The following STAT1 variants were observed in gnomAD, a reference collection of about 807,000 sequenced individuals.
The protein encoded by STAT1 is signal transducer and activator of transcription 1-alpha/beta.
Under a neutral mutation model 111.7 loss-of-function variants are expected in STAT1, and 24 were observed. That is an observed-to-expected ratio of 0.21 (90% CI 0.16 to 0.30). The LOEUF is 0.30. STAT1 is among the 10% of genes least tolerant of loss of function. The pLI is 1.00. For missense variants in STAT1, 351 were observed against 911.9 expected, an observed-to-expected ratio of 0.38 and a Z score of 7.92; for synonymous variants, 332 against 326.5, an observed-to-expected ratio of 1.02 and a Z score of -0.18.
intron 4 of STAT1, among the ~76,000 whole-genome samples, chr2:191,008,558 T>A (rs1312118986): frequency 1.3e-5 from 2 of 152,214 alleles, no homozygotes; most frequent in East Asian, 1.9e-4. Context: ...CCTGTTTTAT[T>A]CCTCATTTGC....
rs772579484 is a variant in STAT1, at chr2:190,976,009, T to C, written c.2060-122A>G. The C allele has an allele frequency of 4.7e-6, 4 of 854,408 alleles. No individual in the cohort carries two copies. The highest frequency in any genetic ancestry group is 7.7e-6 in the Non-Finnish European group (4 of 518,248). 52.9% of individuals were successfully genotyped at this position (854,408 alleles called of 1,614,324 possible). A position where few individuals can be genotyped will look rare whatever the true frequency, so the allele number is the denominator to read the frequency against. On this transcript the variant is annotated intron_variant, in intron 22 of 24. Coordinates refer to ENST00000361099, the MANE Select transcript of STAT1 (RefSeq NM_007315.4). The surrounding 1 kb of genome is among the most constrained non-coding windows in gnomAD (Gnocchi z 6.0). ...TAGACAGCTTAGCCTCCTAAAACTT[T>C]AAGGAGCTATAACCTCCCTGCCTGA...
chr2:191,011,683 G>T (rs1038142793), intron 2 of STAT1, among the ~76,000 whole-genome samples: 4 of 152,142 alleles, frequency 2.6e-5, no homozygotes, highest in African/African-American at 4.8e-5. Context: ...CCCCCATGCT[G>T]TTCTCGTGAT....
chr2:190,992,700 T>TCA (rs1393157547), intron 10 of STAT1: 2 of 1,271,462 alleles, frequency 1.6e-6, no homozygotes, highest in Non-Finnish European at 2.1e-6. Flanking sequence ...ACTGGACTTC[T>TCA]CAGCACCACC....
At chr2:191,008,303 A>C (rs1694860106) in intron 4 of STAT1, among the ~76,000 whole-genome samples, 1 of 152,252 alleles carries the variant, frequency 6.6e-6, no homozygotes, top group Non-Finnish European at 1.5e-5. Flanking sequence ...AAAGAAGAAA[A>C]TGATAGCTTT....
In STAT1 at chr2:190,980,264, G is replaced by A. The variant is rs531879101; in HGVS notation, c.1632+356C>T. On this transcript the variant is annotated intron_variant, in intron 19 of 24. Transcript: ENST00000361099. This position sits in a 1 kb window ranked among gnomAD's most constrained non-coding sequence, Gnocchi z 6.1. ...TTCCCCGCAGTGGGCCCCTCTGCTC[G>A]AGCAGGCCGTTAAACTCGTCTGGCT... Among the ~76,000 whole-genome samples the A allele has an allele frequency of 6.6e-5, 10 of 152,356 alleles. No homozygotes were observed. The highest frequency in any genetic ancestry group is 2.9e-5 in the Non-Finnish European group (2 of 68,018).
Position 190,997,835 on chromosome 2 carries a change from T to C in STAT1, c.785+21A>G. ...GTGGTTAGCCAGTCAGCTGCCAGTT[T>C]TCTGCTTTGGAGAATCTTACCAGTT... On this transcript the variant is annotated intron_variant, in intron 9 of 24. Transcript: ENST00000361099. The surrounding 1 kb of genome is among the most constrained non-coding windows in gnomAD (Gnocchi z 7.3). 6.2e-7 allele frequency: 1 copy of C among 1,614,098 alleles called. No homozygotes were observed.
Position 190,986,954 on chromosome 2 carries a change from A to C in STAT1, c.1128-7T>G, listed in dbSNP as rs745543087. On this transcript the variant is annotated splice_polypyrimidine_tract_variant and splice_region_variant and intron_variant, in intron 13 of 24. Transcript: ENST00000361099. This position sits in a 1 kb window ranked among gnomAD's most constrained non-coding sequence, Gnocchi z 5.0. ...AATGTTGAACTTCCTAAATCTATAC[A>C]ATATAGGAAAGAAATGCTGAAAAGT... 6.2e-7 allele frequency: 1 copy of C among 1,613,198 alleles called. No individual in the cohort carries two copies. The highest frequency in any genetic ancestry group is 8.5e-7 in the Non-Finnish European group (1 of 1,179,116).
rs115295256 is a variant in STAT1, at chr2:190,984,290, C to T, written c.1347+20G>A. The T allele has an allele frequency of 4.4e-6, 7 of 1,593,642 alleles. No individual in the cohort carries two copies. The highest frequency in any genetic ancestry group is 2.7e-5 in the African/African-American group (2 of 74,516). ...GTAAAAATAATGAAGTTTTCCAACT[C>T]GGGACCATAAAAGTCTTACCTCGAG... On this transcript the variant is annotated intron_variant, in intron 16 of 24. Coordinates refer to ENST00000361099, the MANE Select transcript of STAT1 (RefSeq NM_007315.4). This position sits in a 1 kb window ranked among gnomAD's most constrained non-coding sequence, Gnocchi z 5.2.
Position 190,993,177 on chromosome 2 carries a change from C to T in STAT1, c.945-1857G>A, listed in dbSNP as rs878930197. 7.9e-6 allele frequency: 4 copies of T among 506,598 alleles called. No homozygotes were observed. In the East Asian group the frequency reaches 1.6e-4, roughly 20 times the overall value. The allele number at this position is 506,598 out of a possible 1,614,324, so 31.4% of individuals were successfully genotyped here. On this transcript the variant is annotated intron_variant, in intron 10 of 24. Transcript: ENST00000361099. This position sits in a 1 kb window ranked among gnomAD's most constrained non-coding sequence, Gnocchi z 4.1. ...GCTGTTGTGTAGTCTACTACTTTCT[C>T]TGTGGTCAGATCACACTTGTTCCCT...
In STAT1 at chr2:191,003,951, T is replaced by C. The variant is rs959741577; in HGVS notation, c.373-2788A>G. Among the ~76,000 whole-genome samples the C allele has an allele frequency of 1.3e-5, 2 of 152,166 alleles. No individual in the cohort carries two copies. Among genetic ancestry groups the C allele is most frequent in the Non-Finnish European group, 2.9e-5 (2 of 68,026 alleles). On this transcript the variant is annotated intron_variant, in intron 5 of 24. Coordinates refer to ENST00000361099, the MANE Select transcript of STAT1 (RefSeq NM_007315.4). The surrounding 1 kb of genome is among the most constrained non-coding windows in gnomAD (Gnocchi z 4.0). Reference sequence around the variant, plus strand: ...GTTTAGAGAACAGGGATATAAACAATGGCTGTAAAACAGCAGCTACATCCC... The same window carrying C: ...GTTTAGAGAACAGGGATATAAACAACGGCTGTAAAACAGCAGCTACATCCC...
At chr2:191,011,403 C>T (rs950125148) in intron 2 of STAT1, among the ~76,000 whole-genome samples, 26 of 152,130 alleles carry the variant, frequency 1.7e-4, no homozygotes, top group African/African-American at 6.3e-4. Flanking sequence ...AACTTACTCC[C>T]CTATCAACAA....
Position 190,975,053 on chromosome 2 carries a change from T to C in STAT1, c.2136-121A>G. On this transcript the variant is annotated intron_variant, in intron 23 of 24. Coordinates refer to ENST00000361099, the MANE Select transcript of STAT1 (RefSeq NM_007315.4). The surrounding 1 kb of genome is among the most constrained non-coding windows in gnomAD (Gnocchi z 5.9). ...TATCACGTTATATTTTTATTTTGGG[T>C]AAGTGCATACACTTGTAAAATACAT... 1.4e-5 allele frequency: 12 copies of C among 849,868 alleles called. No individual in the cohort carries two copies. Among genetic ancestry groups the C allele is most frequent in the Non-Finnish European group, 2.4e-5 (12 of 509,332 alleles). 52.6% of individuals were successfully genotyped at this position (849,868 alleles called of 1,614,324 possible). A position where few individuals can be genotyped will look rare whatever the true frequency, so the allele number is the denominator to read the frequency against.
intron 24 of STAT1, among the ~76,000 whole-genome samples, chr2:190,972,080 G>A (rs1691525376): frequency 6.6e-6 from 1 of 152,104 alleles, no homozygotes; most frequent in African/African-American, 2.4e-5. Context: ...GGGAGGGGGA[G>A]ATAGATAGAT....
chr2:191,012,929 C>T lies in STAT1; in HGVS notation c.-2+596G>A, dbSNP rs1386341400. 2.0e-5 allele frequency among the ~76,000 whole-genome samples: 3 copies of T among 152,174 alleles called. No homozygotes were observed. The highest frequency in any genetic ancestry group is 4.8e-5 in the African/African-American group (2 of 41,436). On this transcript the variant is annotated intron_variant, in intron 2 of 24. Coordinates refer to ENST00000361099, the MANE Select transcript of STAT1 (RefSeq NM_007315.4). This position sits in a 1 kb window ranked among gnomAD's most constrained non-coding sequence, Gnocchi z 4.0. ...TCACAATTAAGCTTTCTTTGACTTG[C>T]GTCTCACTGAATTCTGTACCTCTAT...
intron 14 of STAT1, 117 bp from the exon 15 acceptor site, chr2:190,985,777 T>C (rs1692756035): frequency 4.5e-6 from 5 of 1,122,560 alleles, no homozygotes; most frequent in African/African-American, 3.1e-5. Flanking sequence ...ACTTTATCTT[T>C]AGAATGCAGA....
intron 24 of STAT1, among the ~76,000 whole-genome samples, chr2:190,972,287 C>T (rs1267906870): frequency 1.3e-5 from 2 of 152,204 alleles, no homozygotes; most frequent in Admixed American, 6.5e-5. Context: ...AATAGCTAGT[C>T]CTATCATTAT....
Position 190,998,589 on chromosome 2 carries a change from G to A in STAT1, c.542-281C>T, listed in dbSNP as rs946077436. Among the ~76,000 whole-genome samples, 1 of 151,694 alleles carries A rather than the reference G, an allele frequency of 6.6e-6. No homozygotes were observed. Among genetic ancestry groups the A allele is most frequent in the Non-Finnish European group, 1.5e-5 (1 of 67,960 alleles). On this transcript the variant is annotated intron_variant, in intron 7 of 24. Coordinates refer to ENST00000361099, the MANE Select transcript of STAT1 (RefSeq NM_007315.4). This position sits in a 1 kb window ranked among gnomAD's most constrained non-coding sequence, Gnocchi z 4.1. ...AGGCAGGAGAACAGCATGAACCCGG[G>A]AGGCGGAGCTTGGAGTGAGCCGAGA...
chr2:190,986,750 G>A lies in STAT1; in HGVS notation c.1221+104C>T, dbSNP rs1692856618. The A allele has an allele frequency of 8.8e-7, 1 of 1,141,838 alleles. No homozygotes were observed. The highest frequency in any genetic ancestry group is 1.3e-6 in the Non-Finnish European group (1 of 752,452). 70.7% of individuals were successfully genotyped at this position (1,141,838 alleles called of 1,614,324 possible). A position where few individuals can be genotyped will look rare whatever the true frequency, so the allele number is the denominator to read the frequency against. On this transcript the variant is annotated intron_variant, in intron 14 of 24. Transcript: ENST00000361099. The surrounding 1 kb of genome is among the most constrained non-coding windows in gnomAD (Gnocchi z 5.0). ...CCAGCCACAAAGTCTACAAACCCCA[G>A]CAGGGGGGCGTCCTCCACATGGCAA...
chr2:190,970,752 A>G lies in STAT1; in HGVS notation c.2239-35T>C, dbSNP rs1553491279. ...GACAAAATGTGGTTAAGTTTATTAC[A>G]CTGATCTTGTGAAATGCAGACTCAT... On this transcript the variant is annotated intron_variant, in intron 24 of 24. Coordinates refer to ENST00000361099, the MANE Select transcript of STAT1 (RefSeq NM_007315.4). The surrounding 1 kb of genome is among the most constrained non-coding windows in gnomAD (Gnocchi z 5.4). 1.2e-6 allele frequency: 2 copies of G among 1,601,138 alleles called. No individual in the cohort carries two copies. Among genetic ancestry groups the G allele is most frequent in the Non-Finnish European group, 1.7e-6 (2 of 1,168,950 alleles).
Sources: gnomAD v4.1 joint callset for allele counts (sites outside exome capture counted in the v4.1 genomes callset) on GRCh38, gnomAD v4.1.1 for gene constraint, Gnocchi (gnomAD v3.1) non-coding constraint, MANE v1.5 for transcripts, NCBI Gene and HGNC (gene_info 2026-07-23, HGNC 2026-07-21) for gene names.